NBEA: variants seen among roughly 807,000 people sequenced by gnomAD.
The protein encoded by NBEA is neurobeachin, also known as lysosomal-trafficking regulator 2.
A neutral mutation model predicts 343.4 loss-of-function variants in NBEA; 44 were observed. The observed-to-expected ratio is 0.13, with a 90% CI of 0.10 to 0.16. The LOEUF (loss-of-function observed/expected upper bound fraction) is 0.16. Ranked by LOEUF, NBEA falls within the 10% of genes least tolerant of loss-of-function variation. The pLI is 1.00. For missense variants in NBEA, 2,555 were observed against 3,631.3 expected (o/e 0.70, Z 7.62); for synonymous variants, 1,175 against 1,238.7 (o/e 0.95, Z 1.08).
intron 32 of NBEA, among the ~76,000 whole-genome samples, chr13:35,210,485 A>G (rs1277963697): frequency 6.6e-6 from 1 of 152,156 alleles, no homozygotes; most frequent in Non-Finnish European, 1.5e-5. Flanking sequence ...GCTACTTAAT[A>G]TACTTACGTG....
intron 56 of NBEA, among the ~76,000 whole-genome samples, chr13:35,666,284 T>C (rs962270313): frequency 7.2e-5 from 11 of 152,076 alleles, no homozygotes; most frequent in Admixed American, 2.0e-4. Context: ...GTCTGAAGGC[T>C]GGCACCATGT....
intron 18 of NBEA, among the ~76,000 whole-genome samples, chr13:35,152,041 A>G (rs2068823408): frequency 6.6e-6 from 1 of 152,086 alleles, no homozygotes; most frequent in Non-Finnish European, 1.5e-5. Flanking sequence ...TCATTGTGAT[A>G]TTATTTTTGC....
chr13:35,595,430 T>C (rs1480444849), intron 47 of NBEA, among the ~76,000 whole-genome samples: 1 of 152,098 alleles, frequency 6.6e-6, no homozygotes, highest in African/African-American at 2.4e-5. Context: ...TTCAGCTCTC[T>C]TACCACCACT....
At chr13:34,978,915 T>C (rs1202339026) in intron 1 of NBEA, among the ~76,000 whole-genome samples, 1 of 152,198 alleles carries the variant, frequency 6.6e-6, no homozygotes, top group Non-Finnish European at 1.5e-5. Context: ...GAATAAAACT[T>C]CCTTGAATAT....
chr13:35,473,264 T>G (rs2075733172), intron 41 of NBEA, among the ~76,000 whole-genome samples: 1 of 152,184 alleles, frequency 6.6e-6, no homozygotes, highest in Non-Finnish European at 1.5e-5. Flanking sequence ...TTCATGTTAC[T>G]GTGCAATTTG....
chr13:35,667,337 C>T (rs750497314), intron 56 of NBEA, 37 bp from the exon 57 acceptor site: 3 of 1,577,576 alleles, frequency 1.9e-6, no homozygotes, highest in South Asian at 2.3e-5. Flanking sequence ...GTTTGTCGTC[C>T]CCAACTGACC....
Position 35,293,501 on chromosome 13 carries a change from AAATT to A in NBEA, c.5838+3055_5838+3058del, listed in dbSNP as rs557496398. Among the ~76,000 whole-genome samples, 181 of 152,110 alleles carry A rather than the reference AAATT, an allele frequency of 1.2e-3. 1 individual carries two copies. The highest frequency in any genetic ancestry group is 4.0e-3 in the African/African-American group (167 of 41,562). On this transcript the variant is annotated intron_variant, in intron 35 of 58. Coordinates refer to ENST00000379939, the MANE Select transcript of NBEA (RefSeq NM_001385012.1). ...TGAAGTGAAATGAACTAAAGTAAAAAAATTAATATCAAATCAGTGCTTAATTAGG... is the reference window on the plus strand; with the variant it reads ...TGAAGTGAAATGAACTAAAGTAAAAAAATATCAAATCAGTGCTTAATTAGG...
At chr13:35,462,107 G>A (rs1262173037) in intron 40 of NBEA, among the ~76,000 whole-genome samples, 3 of 152,178 alleles carry the variant, frequency 2.0e-5, no homozygotes, top group Admixed American at 6.5e-5. Flanking sequence ...ATGCTAGATC[G>A]AAACTTCACT....
chr13:35,665,195 T>A lies in NBEA; in HGVS notation c.8464+9T>A. ...TATCAGTGGTGCTAAAGGTCAGAAGTCATTTCTTTCATTTTCAATGTCTAG... is the reference window on the plus strand; with the variant it reads ...TATCAGTGGTGCTAAAGGTCAGAAGACATTTCTTTCATTTTCAATGTCTAG... On this transcript the variant is annotated intron_variant, in intron 56 of 58. Coordinates refer to ENST00000379939, the MANE Select transcript of NBEA (RefSeq NM_001385012.1). 6.4e-7 allele frequency: 1 copy of A among 1,557,698 alleles called. No individual in the cohort carries two copies. The highest frequency in any genetic ancestry group is 8.7e-7 in the Non-Finnish European group (1 of 1,144,072).
At chr13:35,294,336 G>GA (rs1382243312) in intron 35 of NBEA, among the ~76,000 whole-genome samples, 2 of 150,742 alleles carry the variant, frequency 1.3e-5, no homozygotes, top group African/African-American at 4.9e-5. Context: ...TAGTACAAAA[G>GA]AAAAAAATAT....
chr13:35,651,758 T>C, intron 52 of NBEA, 47 bp from the exon 53 acceptor site: 4 of 1,171,360 alleles, frequency 3.4e-6, no homozygotes, highest in African/African-American at 1.5e-5. Flanking sequence ...AAATCCCTTC[T>C]TTCTGAGAAT....
chr13:35,294,615 A>G (rs1476985756), intron 35 of NBEA, among the ~76,000 whole-genome samples: 1 of 152,204 alleles, frequency 6.6e-6, no homozygotes, highest in Non-Finnish European at 1.5e-5. Flanking sequence ...TTTAATGGTT[A>G]CTAAAGACTT....
chr13:34,991,505 A>G (rs1163123129), intron 1 of NBEA, among the ~76,000 whole-genome samples: 1 of 152,070 alleles, frequency 6.6e-6, no homozygotes, highest in Non-Finnish European at 1.5e-5. Context: ...GTGAGAACTC[A>G]CCCATTATCA....
intron 41 of NBEA, among the ~76,000 whole-genome samples, chr13:35,481,742 G>A (rs1448741007): frequency 6.6e-6 from 1 of 151,782 alleles, no homozygotes; most frequent in Non-Finnish European, 1.5e-5. Flanking sequence ...GGGCTCACAT[G>A]ATTCTTTTCT....
At chr13:34,950,960 G>T (rs1309529217) in intron 1 of NBEA, among the ~76,000 whole-genome samples, 1 of 152,150 alleles carries the variant, frequency 6.6e-6, no homozygotes, top group Non-Finnish European at 1.5e-5. Context: ...ATTCCAGCCT[G>T]GGTGATGGAG....
intron 17 of NBEA, among the ~76,000 whole-genome samples, chr13:35,140,704 G>A (rs1015265350): frequency 6.6e-6 from 1 of 152,104 alleles, no homozygotes; most frequent in Non-Finnish European, 1.5e-5. Context: ...GGAGGCTAAT[G>A]TTAGAAGAGA....
intron 46 of NBEA, among the ~76,000 whole-genome samples, chr13:35,584,818 A>C (rs1238986974): frequency 2.0e-5 from 3 of 151,868 alleles, no homozygotes; most frequent in African/African-American, 7.2e-5. Context: ...ATTTTTAAAC[A>C]TGGGATCTCA....
intron 6 of NBEA, among the ~76,000 whole-genome samples, chr13:35,054,601 G>A (rs1566216023): frequency 6.8e-6 from 1 of 147,506 alleles, no homozygotes; most frequent in Non-Finnish European, 1.5e-5. Flanking sequence ...TGACTTTTTT[G>A]AGTTAATACA....
chr13:35,070,949 G>A, intron 10 of NBEA, 97 bp downstream of exon 10: 3 of 1,332,930 alleles, frequency 2.3e-6, no homozygotes, highest in Non-Finnish European at 2.0e-6. Flanking sequence ...ACAGTATTTG[G>A]GTTCTGCCCT....
Sources: allele counts gnomAD v4.1 joint callset (sites outside exome capture counted in the v4.1 genomes callset), GRCh38; gene constraint gnomAD v4.1.1; transcripts MANE v1.5; gene names NCBI Gene and HGNC (gene_info 2026-07-23, HGNC 2026-07-21).